Variants in CNTNAP2 observed in about 807,000 individuals in gnomAD.
CNTNAP2 encodes the protein contactin-associated protein-like 2.
In CNTNAP2, 98 loss-of-function variants were observed where a neutral mutation model predicts 155.2. The observed-to-expected ratio is 0.63, with a 90% confidence interval of 0.54 to 0.75. CNTNAP2 has a LOEUF of 0.75. Among genes scored for constraint, CNTNAP2 ranks in the 30% least tolerant of loss-of-function variants. CNTNAP2 has a pLI of 0.00. For synonymous variants in CNTNAP2, 651 were observed against 631.2 expected (o/e 1.03, Z -0.47); for missense variants, 1,727 against 1,688.1 (o/e 1.02, Z -0.40).
rs1201897985 is a variant in CNTNAP2 at position 146,352,748 on chromosome 7, C to CTTTTTTTTT, written c.97+235776_97+235777insTTTTTTTTT. On this transcript the variant is annotated intron_variant, in intron 1 of 23. Coordinates refer to ENST00000361727, the MANE Select transcript of CNTNAP2 (RefSeq NM_014141.6). ...TCTTATAATTTCAATTAGCATAATT[C>CTTTTTTTTT]TGTTTTTTTTTTTTTTTTTTTTTCG... 1.2e-3 allele frequency among the ~76,000 whole-genome samples: 77 copies of CTTTTTTTTT among 66,164 alleles called. 1 individual carries two copies. Among genetic ancestry groups the CTTTTTTTTT allele is most frequent in the African/African-American group, 4.8e-3 (50 of 10,522 alleles). 43.4% of individuals were successfully genotyped at this position (66,164 alleles called of 152,430 possible).
intron 3 of CNTNAP2, among the ~76,000 whole-genome samples, chr7:146,850,067 A>G (rs1794845627): frequency 6.6e-6 from 1 of 152,182 alleles, no homozygotes; most frequent in Non-Finnish European, 1.5e-5. Context: ...ATGTCTTGGC[A>G]AATAAATTTG....
intron 1 of CNTNAP2, among the ~76,000 whole-genome samples, chr7:146,732,020 G>C (rs965589381): frequency 6.6e-6 from 1 of 151,990 alleles, no homozygotes; most frequent in Non-Finnish European, 1.5e-5. Flanking sequence ...ATTATTCCCA[G>C]CGAGTACCTA....
intron 5 of CNTNAP2, among the ~76,000 whole-genome samples, chr7:147,120,494 C>T (rs1317082177): frequency 6.6e-6 from 1 of 152,146 alleles, no homozygotes; most frequent in Non-Finnish European, 1.5e-5. Flanking sequence ...GAATTCATTG[C>T]ACAGTCATAA....
At chr7:146,791,405 G>A (rs1401162267) in intron 2 of CNTNAP2, among the ~76,000 whole-genome samples, 1 of 152,178 alleles carries the variant, frequency 6.6e-6, no homozygotes, top group African/African-American at 2.4e-5. Context: ...AAACATACAT[G>A]TGCATGTGTC....
chr7:146,955,450 T>C lies in CNTNAP2; in HGVS notation c.403-88457T>C, dbSNP rs73740557. 9.0e-3 allele frequency among the ~76,000 whole-genome samples: 1,364 copies of C among 152,020 alleles called. 19 individuals are homozygous for C. The highest frequency in any genetic ancestry group is 0.032 in the African/African-American group (1,324 of 41,524). On this transcript the variant is annotated intron_variant, in intron 3 of 23. Coordinates refer to ENST00000361727, the MANE Select transcript of CNTNAP2 (RefSeq NM_014141.6). ...CTGCTAATAGGAGTGAAAAAGACAC[T>C]AGAAACAAAAATCTTTTCTAACCAG...
At chr7:146,303,087 T>C (rs896473839) in intron 1 of CNTNAP2, among the ~76,000 whole-genome samples, 3 of 151,714 alleles carry the variant, frequency 2.0e-5, no homozygotes, top group Non-Finnish European at 4.4e-5. Flanking sequence ...TGTGTGTGTG[T>C]GTGTGTGTGT....
At chr7:146,301,458 A>C in intron 1 of CNTNAP2, among the ~76,000 whole-genome samples, 1 of 150,842 alleles carries the variant, frequency 6.6e-6, no homozygotes, top group East Asian at 1.9e-4. Context: ...CCCCATCTCT[A>C]CTAAAAATAC....
chr7:147,675,321 T>C (rs1375131745), intron 13 of CNTNAP2, among the ~76,000 whole-genome samples: 1 of 152,090 alleles, frequency 6.6e-6, no homozygotes, highest in African/African-American at 2.4e-5. Context: ...AACTTAAACA[T>C]ATCTGCAAAA....
intron 8 of CNTNAP2, among the ~76,000 whole-genome samples, chr7:147,141,380 G>A (rs143570533): frequency 3.4e-4 from 52 of 152,198 alleles, no homozygotes; most frequent in African/African-American, 1.0e-3. Flanking sequence ...GGGTATAGGC[G>A]TTATGAGCAT....
intron 1 of CNTNAP2, among the ~76,000 whole-genome samples, chr7:146,126,966 C>T (rs1797646445): frequency 6.6e-6 from 1 of 152,104 alleles, no homozygotes. Flanking sequence ...TCTAATCTTC[C>T]CCCTCTAGCT....
intron 8 of CNTNAP2, among the ~76,000 whole-genome samples, chr7:147,299,651 A>C (rs1794904331): frequency 6.6e-6 from 1 of 152,202 alleles, no homozygotes; most frequent in African/African-American, 2.4e-5. Flanking sequence ...GATTTTAAAA[A>C]CAAAGACAGA....
intron 1 of CNTNAP2, among the ~76,000 whole-genome samples, chr7:146,189,713 A>G (rs2116849580): frequency 1.3e-5 from 2 of 152,302 alleles, no homozygotes; most frequent in Middle Eastern, 3.4e-3. Flanking sequence ...GACATTTTGC[A>G]GGTGCGACTG....
At chr7:148,342,041 T>G (rs147585744) in intron 21 of CNTNAP2, among the ~76,000 whole-genome samples, 93 of 152,294 alleles carry the variant, frequency 6.1e-4, no homozygotes, top group African/African-American at 2.1e-3. Flanking sequence ...GAAGAGTGTT[T>G]TATGTCTTTA....
chr7:146,238,686 A>G (rs916410832), intron 1 of CNTNAP2, among the ~76,000 whole-genome samples: 2 of 152,026 alleles, frequency 1.3e-5, no homozygotes, highest in African/African-American at 2.4e-5. Flanking sequence ...TCACTCTGCT[A>G]TGAAGAAATA....
chr7:147,485,806 C>A, intron 10 of CNTNAP2, 129 bp from the exon 11 acceptor site: 1 of 841,358 alleles, frequency 1.2e-6, no homozygotes, highest in South Asian at 1.4e-5. Context: ...CTTAAACTAA[C>A]AAGGATTAAT....
rs544473888 is a variant in CNTNAP2, at chr7:146,234,433, G to A, written c.97+117460G>A. On this transcript the variant is annotated intron_variant, in intron 1 of 23. Coordinates refer to ENST00000361727, the MANE Select transcript of CNTNAP2 (RefSeq NM_014141.6). Reference sequence around the variant, plus strand: ...AGGTTGCCTGTTCACTCTGATGGTAGTTTGTTTTGCTGTGCAGAAGCTTTT... The same window carrying A: ...AGGTTGCCTGTTCACTCTGATGGTAATTTGTTTTGCTGTGCAGAAGCTTTT... 2.0e-5 allele frequency among the ~76,000 whole-genome samples: 3 copies of A among 152,242 alleles called. No individual in the cohort carries two copies. The East Asian group carries it at 5.8e-4, about 29-fold the overall frequency.
At chr7:146,982,064 T>C (rs1383221426) in intron 3 of CNTNAP2, among the ~76,000 whole-genome samples, 4 of 152,216 alleles carry the variant, frequency 2.6e-5, no homozygotes, top group African/African-American at 7.2e-5. Context: ...CTACATTATA[T>C]AACATTATTC....
chr7:146,545,798 A>C (rs571654130), intron 1 of CNTNAP2, among the ~76,000 whole-genome samples: 30 of 151,928 alleles, frequency 2.0e-4, no homozygotes, highest in Non-Finnish European at 3.7e-4. Context: ...AGAACCAGAA[A>C]TACCATTTGA....
At chr7:148,056,583 G>T (rs550402134) in intron 15 of CNTNAP2, 1 of 152,180 alleles carries the variant, frequency 6.6e-6, no homozygotes, top group Non-Finnish European at 1.5e-5. Flanking sequence ...GATTCCATCT[G>T]TCTTTGTTGC....
Sources: allele counts gnomAD v4.1 joint callset (sites outside exome capture counted in the v4.1 genomes callset), GRCh38; gene constraint gnomAD v4.1.1; transcripts MANE v1.5; gene names NCBI Gene and HGNC (gene_info 2026-07-23, HGNC 2026-07-21).